The following CTNNA2 variants were observed in gnomAD, a reference collection of about 807,000 sequenced individuals.
CTNNA2 encodes the protein catenin alpha 2.
In CTNNA2, 42 loss-of-function variants were observed where a neutral mutation model predicts 101.0. The ratio of observed to expected loss-of-function variants is 0.42; its 90% confidence interval spans 0.32 to 0.54. The LOEUF (loss-of-function observed/expected upper bound fraction) is 0.54. CTNNA2 is among the 20% of genes least tolerant of loss of function. CTNNA2 has a pLI of 0.14. For synonymous variants in CTNNA2, 450 were observed against 456.4 expected, an observed-to-expected ratio of 0.99 and a Z score of 0.18; for missense variants, 871 against 1,223.1, an observed-to-expected ratio of 0.71 and a Z score of 4.29.
intron 7 of CTNNA2, among the ~76,000 whole-genome samples, chr2:79,930,320 GA>G (rs1553406929): frequency 7.0e-6 from 1 of 143,040 alleles, no homozygotes; most frequent in African/African-American, 2.6e-5. Context: ...AAGAAAGAAA[GA>G]AAGAAAGAAA....
At chr2:79,945,594 T>G (rs553660030) in intron 7 of CTNNA2, among the ~76,000 whole-genome samples, 2 of 152,320 alleles carry the variant, frequency 1.3e-5, no homozygotes, top group South Asian at 4.1e-4. Flanking sequence ...ACATGACCAT[T>G]TAACTGTCTA....
At chr2:80,614,034 A>G (rs1184170506) in intron 17 of CTNNA2, among the ~76,000 whole-genome samples, 1 of 151,556 alleles carries the variant, frequency 6.6e-6, no homozygotes, top group Admixed American at 6.6e-5. Context: ...TCAAGTTTTG[A>G]GATGCTCTAA....
chr2:79,958,650 G>A (rs1409953479), intron 7 of CTNNA2, among the ~76,000 whole-genome samples: 4 of 152,284 alleles, frequency 2.6e-5, no homozygotes, highest in African/African-American at 9.6e-5. Flanking sequence ...TGAGACCCAT[G>A]TCTTATAGAC....
intron 4 of CTNNA2, among the ~76,000 whole-genome samples, chr2:79,494,807 T>A (rs955633564): frequency 6.6e-6 from 1 of 152,102 alleles, no homozygotes; most frequent in African/African-American, 2.4e-5. Context: ...AACCAGAATT[T>A]TTTTCAAAAT....
At chr2:80,130,385 A>G (rs974015833) in intron 7 of CTNNA2, among the ~76,000 whole-genome samples, 1 of 152,204 alleles carries the variant, frequency 6.6e-6, no homozygotes, top group African/African-American at 2.4e-5. Flanking sequence ...TCTGTCACGT[A>G]TTCCAACTAT....
chr2:79,291,524 T>A (rs141754430), intron 2 of CTNNA2, among the ~76,000 whole-genome samples: 1 of 152,324 alleles, frequency 6.6e-6, no homozygotes, highest in East Asian at 1.9e-4. Context: ...CTGTTCTTCC[T>A]TTCTTTCATT....
intron 18 of CTNNA2, among the ~76,000 whole-genome samples, chr2:80,621,192 G>A (rs1671084965): frequency 6.6e-6 from 1 of 151,684 alleles, no homozygotes; most frequent in African/African-American, 2.4e-5. Flanking sequence ...TAAAATGATG[G>A]TAGATGATCA....
At chr2:79,752,101 G>C (rs1672084922) in intron 3 of CTNNA2, among the ~76,000 whole-genome samples, 1 of 152,088 alleles carries the variant, frequency 6.6e-6, no homozygotes, top group African/African-American at 2.4e-5. Flanking sequence ...GATGAATGGG[G>C]AGGACCACCT....
At chr2:80,055,992 G>C (rs1363146370) in intron 7 of CTNNA2, among the ~76,000 whole-genome samples, 2 of 152,138 alleles carry the variant, frequency 1.3e-5, no homozygotes, top group Admixed American at 1.3e-4. Context: ...GCTGTGGATG[G>C]CTGAAAATCT....
chr2:79,771,871 A>G (rs1341047151), intron 3 of CTNNA2, among the ~76,000 whole-genome samples: 1 of 152,178 alleles, frequency 6.6e-6, no homozygotes, highest in Non-Finnish European at 1.5e-5. Context: ...TGTTTTGTAC[A>G]TTTTAAAGCT....
intron 4 of CTNNA2, among the ~76,000 whole-genome samples, chr2:79,859,974 A>G (rs2103961334): frequency 6.6e-6 from 1 of 152,256 alleles, no homozygotes; most frequent in South Asian, 2.1e-4. Flanking sequence ...AGAGAATGGC[A>G]CAAAGTGAGT....
chr2:79,786,254 C>T (rs188223360), intron 3 of CTNNA2, among the ~76,000 whole-genome samples: 2,091 of 151,284 alleles, frequency 0.014, 13 homozygotes, highest in South Asian at 0.037. Context: ...TTATTTTATT[C>T]ATTAAAATTA....
chr2:80,371,414 A>G (rs991314837), intron 7 of CTNNA2, among the ~76,000 whole-genome samples: 24 of 152,196 alleles, frequency 1.6e-4, no homozygotes, highest in Non-Finnish European at 1.5e-5. Flanking sequence ...TAATGATGAT[A>G]TAGTAGTATT....
intron 2 of CTNNA2, among the ~76,000 whole-genome samples, chr2:79,251,298 T>C (rs1057450012): frequency 1.3e-5 from 2 of 152,180 alleles, no homozygotes; most frequent in Non-Finnish European, 2.9e-5. Context: ...CTGTTTCTGC[T>C]GCAGGGTCTC....
intron 7 of CTNNA2, among the ~76,000 whole-genome samples, chr2:80,033,888 G>A (rs1391683295): frequency 6.8e-6 from 1 of 146,518 alleles, no homozygotes. Flanking sequence ...GTAGCAGTCT[G>A]CAACAAAAAC....
chr2:79,195,023 A>C (rs1372363123), intron 1 of CTNNA2, among the ~76,000 whole-genome samples: 1 of 152,182 alleles, frequency 6.6e-6, no homozygotes. Flanking sequence ...AATTGCCACC[A>C]CTGAGAAGGA....
At chr2:80,530,155 A>G (rs545695503) in intron 9 of CTNNA2, among the ~76,000 whole-genome samples, 1 of 152,224 alleles carries the variant, frequency 6.6e-6, no homozygotes, top group African/African-American at 2.4e-5. Context: ...GTCACCTTGG[A>G]AAAAAAGGGA....
chr2:80,543,482 C>T (rs971381686), intron 9 of CTNNA2, among the ~76,000 whole-genome samples: 1 of 152,186 alleles, frequency 6.6e-6, no homozygotes, highest in African/African-American at 2.4e-5. Flanking sequence ...TCTCCTAGTA[C>T]ATTTTCTCAC....
chr2:79,747,463 T>C (rs776094840), intron 3 of CTNNA2, among the ~76,000 whole-genome samples: 3 of 152,210 alleles, frequency 2.0e-5, no homozygotes, highest in Non-Finnish European at 4.4e-5. Flanking sequence ...GCACTGAAGA[T>C]AGCAAAGGTA....
Sources: gnomAD v4.1 joint callset for allele counts (sites outside exome capture counted in the v4.1 genomes callset) on GRCh38, gnomAD v4.1.1 for gene constraint, MANE v1.5 for transcripts, NCBI Gene and HGNC (gene_info 2026-07-23, HGNC 2026-07-21) for gene names.